Variants in SLC9A9 observed in about 807,000 individuals in gnomAD.
The protein encoded by SLC9A9 is solute carrier family 9 member A9.
SLC9A9 carries 62 observed loss-of-function variants against 77.8 expected under a neutral mutation model. The ratio of observed to expected loss-of-function variants is 0.80; its 90% CI spans 0.65 to 0.98. SLC9A9 has a LOEUF of 0.98. Among genes scored for constraint, SLC9A9 ranks in the 50% least tolerant of loss-of-function variants. The probability of loss-of-function intolerance (pLI) is 0.00; values close to 1 mark genes in which losing one functional copy is unlikely to be tolerated. For missense variants in SLC9A9, 775 were observed against 774.9 expected (o/e 1.00, Z 0.00); for synonymous variants, 320 against 283.5 (o/e 1.13, Z -1.29).
intron 8 of SLC9A9, among the ~76,000 whole-genome samples, chr3:143,561,103 C>T (rs1264148039): frequency 1.3e-5 from 2 of 152,128 alleles, no homozygotes; most frequent in African/African-American, 4.8e-5. Context: ...ATTGTTTGAA[C>T]CCGGGAGGTG....
chr3:143,549,272 C>A (rs1281703647), intron 9 of SLC9A9, among the ~76,000 whole-genome samples: 1 of 152,192 alleles, frequency 6.6e-6, no homozygotes, highest in East Asian at 1.9e-4. Context: ...CCTCTGACTG[C>A]ACTCTTTCAA....
intron 12 of SLC9A9, 108 bp downstream of exon 12, chr3:143,466,929 G>T: frequency 7.2e-7 from 1 of 1,391,472 alleles, no homozygotes; most frequent in Non-Finnish European, 1.0e-6. Flanking sequence ...TGCTGGGAAA[G>T]TTAGGGTAGG....
chr3:143,367,821 A>G (rs2032952007), intron 13 of SLC9A9, among the ~76,000 whole-genome samples: 1 of 152,186 alleles, frequency 6.6e-6, no homozygotes, highest in Non-Finnish European at 1.5e-5. Context: ...ATCATTAGCA[A>G]TATTTCTTCT....
At chr3:143,536,124 T>A (rs1167164065) in intron 9 of SLC9A9, among the ~76,000 whole-genome samples, 1 of 152,204 alleles carries the variant, frequency 6.6e-6, no homozygotes, top group African/African-American at 2.4e-5. Flanking sequence ...TCCAGATGTG[T>A]TTCATGAAAT....
At chr3:143,828,713 G>A (rs763389094) in intron 2 of SLC9A9, among the ~76,000 whole-genome samples, 6 of 152,114 alleles carry the variant, frequency 3.9e-5, no homozygotes, top group Middle Eastern at 3.2e-3. Context: ...AAGGGTAGAC[G>A]TGAGGCCATT....
intron 4 of SLC9A9, among the ~76,000 whole-genome samples, chr3:143,740,484 T>A (rs1363403863): frequency 1.3e-5 from 2 of 152,332 alleles, no homozygotes; most frequent in East Asian, 3.9e-4. Flanking sequence ...TAATTAATAA[T>A]GTTTTTGAAA....
chr3:143,821,514 A>G (rs1165208656), intron 2 of SLC9A9, among the ~76,000 whole-genome samples: 1 of 152,246 alleles, frequency 6.6e-6, no homozygotes, highest in African/African-American at 2.4e-5. Flanking sequence ...TAAAATTTCA[A>G]GACAATTGTC....
intron 14 of SLC9A9, among the ~76,000 whole-genome samples, chr3:143,271,147 T>C (rs1468329672): frequency 6.6e-6 from 1 of 152,216 alleles, no homozygotes; most frequent in Non-Finnish European, 1.5e-5. Context: ...GAGTTTAGCA[T>C]ATGTGAGGTT....
intron 14 of SLC9A9, among the ~76,000 whole-genome samples, chr3:143,292,400 A>G (rs575555285): frequency 2.0e-5 from 3 of 152,342 alleles, no homozygotes; most frequent in Non-Finnish European, 4.4e-5. Flanking sequence ...GTACAGATGA[A>G]TAAATTGAGT....
intron 11 of SLC9A9, among the ~76,000 whole-genome samples, chr3:143,473,736 A>T (rs947282471): frequency 6.6e-6 from 1 of 152,158 alleles, no homozygotes; most frequent in Non-Finnish European, 1.5e-5. Flanking sequence ...ATTTTTTAGA[A>T]GTTTGGAGTT....
chr3:143,782,709 G>A (rs1576722530), intron 4 of SLC9A9, among the ~76,000 whole-genome samples: 1 of 152,266 alleles, frequency 6.6e-6, no homozygotes, highest in East Asian at 1.9e-4. Flanking sequence ...GTCAGTGAAA[G>A]GATATGCATT....
At chr3:143,315,143 CCAAA>C (rs2031161806) in intron 14 of SLC9A9, among the ~76,000 whole-genome samples, 1 of 152,140 alleles carries the variant, frequency 6.6e-6, no homozygotes, top group Admixed American at 6.5e-5. Flanking sequence ...AGGAAGTAAA[CCAAA>C]CAAAGAACAT....
intron 13 of SLC9A9, among the ~76,000 whole-genome samples, chr3:143,377,449 T>C (rs2033204759): frequency 6.6e-6 from 1 of 152,224 alleles, no homozygotes; most frequent in African/African-American, 2.4e-5. Flanking sequence ...CCTCTGTCAG[T>C]TATTGAAGTT....
At chr3:143,617,348 C>A (rs983581761) in intron 6 of SLC9A9, among the ~76,000 whole-genome samples, 9 of 152,286 alleles carry the variant, frequency 5.9e-5, no homozygotes, top group Middle Eastern at 3.4e-3. Context: ...CAAGTAATTG[C>A]CATCAAAACC....
chr3:143,608,642 A>G (rs1052607087), intron 6 of SLC9A9, among the ~76,000 whole-genome samples: 6 of 152,230 alleles, frequency 3.9e-5, no homozygotes, highest in Admixed American at 6.5e-5. Context: ...AATGTAATTG[A>G]AACATATAAG....
At chr3:143,646,355 A>G (rs2038707845) in intron 6 of SLC9A9, among the ~76,000 whole-genome samples, 1 of 148,188 alleles carries the variant, frequency 6.7e-6, no homozygotes, top group African/African-American at 2.4e-5. Context: ...ATGTTAGTAT[A>G]TATAATATAT....
chr3:143,341,001 A>G (rs1416249504), intron 14 of SLC9A9, among the ~76,000 whole-genome samples: 1 of 152,248 alleles, frequency 6.6e-6, no homozygotes, highest in African/African-American at 2.4e-5. Context: ...TAAGCTGAAT[A>G]GGACACTTAA....
At chr3:143,443,166 T>G (rs7642415) in intron 12 of SLC9A9, among the ~76,000 whole-genome samples, 125,107 of 151,000 alleles carry the variant, frequency 0.83, 51,953 homozygotes, top group South Asian at 0.87. Context: ...GGCTTGGGGG[T>G]GTGGGGGCTG....
chr3:143,493,925 T>C (rs753803420), intron 10 of SLC9A9, among the ~76,000 whole-genome samples, 161 bp from the exon 11 acceptor site: 1 of 152,246 alleles, frequency 6.6e-6, no homozygotes, highest in Non-Finnish European at 1.5e-5. Context: ...CCAAAATTTA[T>C]ATTTCAAAGT....
Sources: allele counts gnomAD v4.1 joint callset (sites outside exome capture counted in the v4.1 genomes callset), GRCh38; gene constraint gnomAD v4.1.1; transcripts MANE v1.5; gene names NCBI Gene and HGNC (gene_info 2026-07-23, HGNC 2026-07-21).